The following ADAM29 variants were observed in gnomAD, a reference collection of about 807,000 sequenced individuals.
ADAM29 encodes the protein disintegrin and metalloproteinase domain-containing protein 29.
For synonymous variants in ADAM29, 367 were observed against 342.3 expected (o/e 1.07, Z -0.80); for missense variants, 969 against 1,001.8 (o/e 0.97, Z 0.44).
At chr4:174,919,978 A>T (rs1322932482) in intron 1 of ADAM29, among the ~76,000 whole-genome samples, 1 of 152,206 alleles carries the variant, frequency 6.6e-6, no homozygotes, top group African/African-American at 2.4e-5. Context: ...TGTATCACTT[A>T]ACCAAATCTT....
chr4:174,950,935 G>T (rs1745135789), intron 4 of ADAM29, among the ~76,000 whole-genome samples: 2 of 152,086 alleles, frequency 1.3e-5, no homozygotes, highest in Admixed American at 6.6e-5. Context: ...AAACATGCTT[G>T]CTTCCCCTTT....
intron 2 of ADAM29, among the ~76,000 whole-genome samples, chr4:174,930,212 G>A (rs1025474857): frequency 6.6e-6 from 1 of 152,086 alleles, no homozygotes. Context: ...TTATAGGCGT[G>A]AGCCACCGCT....
intron 4 of ADAM29, among the ~76,000 whole-genome samples, chr4:174,947,195 A>T (rs1744902875): frequency 6.6e-6 from 1 of 151,292 alleles, no homozygotes; most frequent in African/African-American, 2.4e-5. Flanking sequence ...CAAAAAGCCA[A>T]CTCCTGCTGG....
chr4:174,924,595 C>T (rs1445195249), intron 2 of ADAM29, among the ~76,000 whole-genome samples: 8 of 151,978 alleles, frequency 5.3e-5, no homozygotes, highest in South Asian at 2.1e-4. Context: ...AAACAAACTA[C>T]GACATATCAA....
chr4:174,935,828 A>C (rs1260745694), intron 3 of ADAM29, among the ~76,000 whole-genome samples: 3 of 152,068 alleles, frequency 2.0e-5, no homozygotes, highest in Non-Finnish European at 4.4e-5. Flanking sequence ...TTGCTCCTGG[A>C]TTACATGAAT....
rs111521267 is a variant in ADAM29 at position 174,975,879 on chromosome 4, C to G, written c.354C>G (p.Thr118=). ...CAGAATCCCTGGTTTCCCTCAGTAC[C>G]TGTTTTGGGGGTTTTCAAGGAATAT... The part of the protein sequence containing the change: ...GDPESLVSLS[T]CFGGFQGILQ... The change falls in exon 5 of 5, where the codon ACC becomes ACG. Residue 118 remains threonine (T), a synonymous_variant. Coordinates refer to ENST00000359240, the MANE Select transcript of ADAM29 (RefSeq NM_014269.4). 2.4e-4 allele frequency: 385 copies of G among 1,613,436 alleles called. No individual in the cohort carries two copies. Among genetic ancestry groups the G allele is most frequent in the Non-Finnish European group, 3.0e-4 (358 of 1,179,852 alleles).
intron 4 of ADAM29, among the ~76,000 whole-genome samples, chr4:174,958,594 T>A (rs995228493): frequency 4.6e-5 from 7 of 151,876 alleles, no homozygotes; most frequent in African/African-American, 1.2e-4. Flanking sequence ...GGCTAATAAT[T>A]ATTGCTATTT....
rs1475437340 is a variant in ADAM29 at position 174,958,140 on chromosome 4, A to G, written c.-180-17206A>G. On this transcript the variant is annotated intron_variant, in intron 4 of 4. Transcript: ENST00000359240. ...AATATGTGTTTTGCTGTTTTTAAAT[A>G]GAGTGTTCTATAAACGTCAATTTGA... Among the ~76,000 whole-genome samples, 4 of 151,848 alleles carry G rather than the reference A, an allele frequency of 2.6e-5. No individual in the cohort carries two copies. In the East Asian group the frequency reaches 7.7e-4, roughly 29 times the overall value.
chr4:174,971,597 A>G (rs1411808151), intron 4 of ADAM29, among the ~76,000 whole-genome samples: 1 of 152,142 alleles, frequency 6.6e-6, no homozygotes. Flanking sequence ...TTTCTTTTAT[A>G]TGACAAGTTA....
intron 4 of ADAM29, among the ~76,000 whole-genome samples, chr4:174,955,468 C>T (rs1273436179): frequency 1.3e-5 from 2 of 152,060 alleles, no homozygotes; most frequent in East Asian, 3.8e-4. Context: ...AATATTGTAG[C>T]TTTCATCAGC....
intron 4 of ADAM29, among the ~76,000 whole-genome samples, chr4:174,972,317 T>C (rs1020523929): frequency 3.9e-5 from 6 of 152,190 alleles, no homozygotes; most frequent in African/African-American, 1.4e-4. Flanking sequence ...ACTAGCCTTG[T>C]ATAGGAGGAA....
In ADAM29 at chr4:174,976,449, A is replaced by G; in HGVS notation, c.924A>G (p.Thr308=). The G allele has an allele frequency of 1.9e-6, 3 of 1,607,588 alleles. No individual in the cohort carries two copies. The highest frequency in any genetic ancestry group is 2.5e-6 in the Non-Finnish European group (3 of 1,177,000). The change falls in exon 5 of 5, where the codon ACA becomes ACG. Residue 308 remains threonine, a synonymous_variant. Transcript: ENST00000359240. The stretch of plus-strand genomic sequence containing the variant: ...TAGGAGCTTTTAGAGGAATGTGTAC[A>G]CCACACCGTAGTTGTGCAATTGTTA... ...SGIGAFRGMC[T]PHRSCAIVTF... is the part of the protein sequence containing the mutation.
At chr4:174,959,413 TTGAAA>T (rs1343805180) in intron 4 of ADAM29, among the ~76,000 whole-genome samples, 1 of 151,604 alleles carries the variant, frequency 6.6e-6, no homozygotes. Context: ...TTTACTGCAA[TTGAAA>T]TAAAATATTC....
Position 174,975,541 on chromosome 4 carries a change from C to T in ADAM29, c.16C>T (p.Leu6=). 1.3e-6 allele frequency: 2 copies of T among 1,513,152 alleles called. No homozygotes were observed. Among genetic ancestry groups the T allele is most frequent in the Middle Eastern group, 1.8e-4 (1 of 5,478 alleles). The allele number at this position is 1,513,152 out of a possible 1,614,324, so 93.7% of individuals were successfully genotyped here. Residue 6 remains leucine (L), a synonymous_variant, in exon 5 of 5, where the codon CTG becomes TTG. Coordinates refer to ENST00000359240, the MANE Select transcript of ADAM29 (RefSeq NM_014269.4). The stretch of plus-strand genomic sequence containing the variant: ...CTTTTTGAACATGAAGATGTTACTC[C>T]TGCTGCATTGCCTTGGGGTGTTTCT... MKMLL[L]LHCLGVFLSC...
chr4:174,937,659 G>A (rs535882759), intron 4 of ADAM29, among the ~76,000 whole-genome samples: 36 of 151,806 alleles, frequency 2.4e-4, no homozygotes, highest in Middle Eastern at 3.4e-3. Context: ...ATTTCTTTAC[G>A]TACCCTATTC....
At chr4:174,948,265 C>A (rs1315805592) in intron 4 of ADAM29, among the ~76,000 whole-genome samples, 1 of 152,178 alleles carries the variant, frequency 6.6e-6, no homozygotes, top group Non-Finnish European at 1.5e-5. Context: ...AGTTCTCATG[C>A]TGGTTCTTTC....
chr4:174,940,893 T>C (rs1744499214), intron 4 of ADAM29, among the ~76,000 whole-genome samples: 1 of 152,196 alleles, frequency 6.6e-6, no homozygotes, highest in Non-Finnish European at 1.5e-5. Flanking sequence ...CCTTTTAGCA[T>C]GGTGCATAAC....
At chr4:174,957,389 G>A (rs1745564648) in intron 4 of ADAM29, among the ~76,000 whole-genome samples, 4 of 151,726 alleles carry the variant, frequency 2.6e-5, no homozygotes. Context: ...CCACTGACCT[G>A]TACCCAGTTG....
Position 174,968,200 on chromosome 4 carries a change from C to T in ADAM29, c.-180-7146C>T, listed in dbSNP as rs1161095046. Among the ~76,000 whole-genome samples, 3 of 152,158 alleles carry T rather than the reference C, an allele frequency of 2.0e-5. No individual in the cohort carries two copies. In the East Asian group the frequency reaches 5.8e-4, roughly 29 times the overall value. On this transcript the variant is annotated intron_variant, in intron 4 of 4. Transcript: ENST00000359240. Reference sequence around the variant, plus strand: ...GTTAAAATATACATACAATGAATTACACTAGACAAAGTGTGCATTCACTGT... The same window carrying T: ...GTTAAAATATACATACAATGAATTATACTAGACAAAGTGTGCATTCACTGT...
Sources: allele counts gnomAD v4.1 joint callset (sites outside exome capture counted in the v4.1 genomes callset), GRCh38; gene constraint gnomAD v4.1.1; transcripts MANE v1.5; gene names NCBI Gene and HGNC (gene_info 2026-07-23, HGNC 2026-07-21).